Variants in NLRP12 observed in about 807,000 individuals in gnomAD.
The protein encoded by NLRP12 is NLR family pyrin domain containing 12, also known as NACHT, LRR and PYD domains-containing protein 12.
In NLRP12, 108 loss-of-function variants were observed where a neutral mutation model predicts 91.2. That is an observed-to-expected ratio of 1.18 (90% confidence interval 1.01 to 1.39). The LOEUF (loss-of-function observed/expected upper bound fraction) is 1.39, where lower values mean the gene tolerates loss of function less well. NLRP12 is among the 40% of genes most tolerant of loss of function. The probability of loss-of-function intolerance (pLI) is 0.00; values close to 1 mark genes in which losing one functional copy is unlikely to be tolerated. For missense variants in NLRP12, 1,530 were observed against 1,352.7 expected, an observed-to-expected ratio of 1.13 and a Z score of -2.06; for synonymous variants, 613 against 566.7, an observed-to-expected ratio of 1.08 and a Z score of -1.16.
intron 2 of NLRP12, 117 bp from the exon 3 acceptor site, chr19:53,811,405 T>G: frequency 8.4e-7 from 1 of 1,197,438 alleles, no homozygotes; most frequent in Non-Finnish European, 1.2e-6. Flanking sequence ...TTCCAGCTAC[T>G]CAGGAGGCTG....
chr19:53,803,024 C>G (rs1050397345), intron 6 of NLRP12, among the ~76,000 whole-genome samples: 60 of 152,264 alleles, frequency 3.9e-4, no homozygotes, highest in African/African-American at 1.4e-3. Flanking sequence ...GTTGTGATTA[C>G]AGCTGTGAGC....
chr19:53,794,084 G>A lies in NLRP12; in HGVS notation c.3151C>T (p.Arg1051Ter), dbSNP rs199475871. The A allele has an allele frequency of 2.5e-5, 40 of 1,613,930 alleles. No homozygotes were observed. Among genetic ancestry groups the A allele is most frequent in the Non-Finnish European group, 3.3e-5 (39 of 1,179,890 alleles). ...KMTHSRLAAL[R>*]VTKPYLDIGC Reference sequence around the variant, plus strand: ...ATGTCCAAATAAGGTTTTGTTACTCGAAGCGCTGCCAACCTACTGTGGGTC... The same window carrying A: ...ATGTCCAAATAAGGTTTTGTTACTCAAAGCGCTGCCAACCTACTGTGGGTC... Residue 1051 changes from arginine (R) to a stop codon, truncating the protein, a stop_gained, in exon 10 of 10, where the codon CGA (arginine) becomes TGA (stop). Coordinates refer to ENST00000324134, the MANE Select transcript of NLRP12 (RefSeq NM_144687.4). LOFTEE classifies it high-confidence loss of function.
In NLRP12 at chr19:53,810,952, T is replaced by C. The variant is rs763174047; in HGVS notation, c.707A>G (p.Asp236Gly). The C allele has an allele frequency of 6.2e-7, 1 of 1,614,128 alleles. No homozygotes were observed. The highest frequency in any genetic ancestry group is 2.2e-5 in the East Asian group (1 of 44,872). Residue 236 changes from aspartate to glycine, a missense_variant, in exon 3 of 10, where the codon GAC becomes GGC. By Grantham distance (94) the Asp-to-Gly change is moderately conservative (BLOSUM62 -1). Transcript: ENST00000324134. The part of the protein sequence containing the change: ...LAHKVMLDWA[D>G]GKLFQGRFDY... ...AAATCTGCCTTGGAAGAGCTTCCCG[T>C]CCGCCCAGTCCAGCATCACCTTGTG...
rs1359119829 is a variant in NLRP12, at chr19:53,809,703, G to A, written c.1956C>T (p.Phe652=). Residue 652 remains phenylalanine, a synonymous_variant, in exon 3 of 10, where the codon TTC becomes TTT. Coordinates refer to ENST00000324134, the MANE Select transcript of NLRP12 (RefSeq NM_144687.4). Reference sequence around the variant, plus strand: ...GGGCGCTCCTGCAGCGCTTCAGACAGAACGAGGAGACCATGTGCTCCATCT... The same window carrying A: ...GGGCGCTCCTGCAGCGCTTCAGACAAAACGAGGAGACCATGTGCTCCATCT... ...ASKMEHMVSS[F]CLKRCRSAQV... is the part of the protein sequence containing the mutation. The A allele has an allele frequency of 6.2e-7, 1 of 1,614,100 alleles. No individual in the cohort carries two copies. Among genetic ancestry groups the A allele is most frequent in the Non-Finnish European group, 8.5e-7 (1 of 1,180,016 alleles).
intron 2 of NLRP12, among the ~76,000 whole-genome samples, chr19:53,811,662 G>T (rs943467262): frequency 6.6e-6 from 1 of 151,000 alleles, no homozygotes; most frequent in Admixed American, 6.6e-5. Context: ...CACCTCCTGG[G>T]TTCAAGTGAT....
At chr19:53,823,015 G>T (rs555779055) in intron 1 of NLRP12, among the ~76,000 whole-genome samples, 1 of 151,084 alleles carries the variant, frequency 6.6e-6, no homozygotes, top group Admixed American at 6.7e-5. Flanking sequence ...TGACCCACCC[G>T]CCTTGGCCTC....
At chr19:53,797,201 C>T (rs547938341) in intron 8 of NLRP12, among the ~76,000 whole-genome samples, 12 of 151,830 alleles carry the variant, frequency 7.9e-5, no homozygotes, top group East Asian at 1.9e-4. Context: ...GTGTGATCTC[C>T]GCTCACTGCA....
In NLRP12 at chr19:53,793,781, T is replaced by C; in HGVS notation, c.*268A>G. 1.8e-6 allele frequency: 1 copy of C among 544,936 alleles called. No homozygotes were observed. Among genetic ancestry groups the C allele is most frequent in the East Asian group, 3.2e-5 (1 of 30,884 alleles). The allele number at this position is 544,936 out of a possible 1,614,324, so 33.8% of individuals were successfully genotyped here. ...TTTTTATTTTTAGTAGAGACAGGGTTTCACCATCTTGGCCAGGCTAATCTC... is the reference window on the plus strand; with the variant it reads ...TTTTTATTTTTAGTAGAGACAGGGTCTCACCATCTTGGCCAGGCTAATCTC... On this transcript the variant is annotated 3_prime_UTR_variant, in exon 10 of 10. Transcript: ENST00000324134.
In NLRP12 at chr19:53,801,252, G is replaced by GATGCCT; in HGVS notation, c.2725_2730dup (p.Arg909_His910dup). On this transcript the variant is annotated inframe_insertion, in exon 7 of 10. Coordinates refer to ENST00000324134, the MANE Select transcript of NLRP12 (RefSeq NM_144687.4). ...CGCAGGGTCTGGAGCTTGCACGTGG[G>GATGCCT]ATGCCTGAGGCCCTCACACAGCAGC... 1 of 1,613,886 alleles carries GATGCCT rather than the reference G, an allele frequency of 6.2e-7. No homozygotes were observed. Among genetic ancestry groups the GATGCCT allele is most frequent in the South Asian group, 1.1e-5 (1 of 91,076 alleles).
chr19:53,798,269 A>G lies in NLRP12; in HGVS notation c.2901T>C (p.His967=), dbSNP rs1422802865. ...ACAGTTTCTGGAGTCTGCAGGCGGG[A>G]TGTTGCAGCCCCTCAGCCAGCAACC... ...GLWLLAEGLQ[H]PACRLQKLWL... Residue 967 remains histidine (H), a synonymous_variant, in exon 8 of 10, where the codon CAT becomes CAC. Coordinates refer to ENST00000324134, the MANE Select transcript of NLRP12 (RefSeq NM_144687.4). 5 of 1,614,142 alleles carry G rather than the reference A, an allele frequency of 3.1e-6. No individual in the cohort carries two copies. In the South Asian group the frequency reaches 4.4e-5, roughly 14 times the overall value.
intron 1 of NLRP12, among the ~76,000 whole-genome samples, chr19:53,818,879 C>T (rs775762552): frequency 6.6e-6 from 1 of 152,082 alleles, no homozygotes; most frequent in Non-Finnish European, 1.5e-5. Flanking sequence ...GAGACTCTTA[C>T]GCACAGTAAC....
rs2092134189 is a variant in NLRP12, at chr19:53,814,928, G to C, written c.350C>G (p.Ser117Cys). 1 of 1,613,952 alleles carries C rather than the reference G, an allele frequency of 6.2e-7. No homozygotes were observed. Among genetic ancestry groups the C allele is most frequent in the Admixed American group, 1.7e-5 (1 of 59,958 alleles). Reference sequence around the variant, plus strand: ...CTCACCTTTTCTTGGAGTGACAAGAGAGACTTCCAGAAGGCATGTTGACTG... The same window carrying C: ...CTCACCTTTTCTTGGAGTGACAAGACAGACTTCCAGAAGGCATGTTGACTG... ...GNQSTCLLEV[S>C]LVTPRKDPQE... is the part of the protein sequence containing the mutation. The change falls in exon 2 of 10, where the codon TCT (serine) becomes TGT (cysteine). Residue 117 changes from serine to cysteine, a missense_variant. Coordinates refer to ENST00000324134, the MANE Select transcript of NLRP12 (RefSeq NM_144687.4).
intron 2 of NLRP12, among the ~76,000 whole-genome samples, chr19:53,813,079 C>T (rs1260981453): frequency 2.0e-5 from 3 of 151,654 alleles, no homozygotes; most frequent in African/African-American, 7.3e-5. Context: ...CGGAGTTTCA[C>T]CATGTTGGCC....
At chr19:53,811,662 G>A (rs943467262) in intron 2 of NLRP12, among the ~76,000 whole-genome samples, 7 of 151,118 alleles carry the variant, frequency 4.6e-5, no homozygotes, top group Non-Finnish European at 8.8e-5. Flanking sequence ...CACCTCCTGG[G>A]TTCAAGTGAT....
intron 1 of NLRP12, among the ~76,000 whole-genome samples, chr19:53,819,086 G>T (rs1455826880): frequency 6.6e-6 from 1 of 152,134 alleles, no homozygotes; most frequent in African/African-American, 2.4e-5. Context: ...GTTATGCATT[G>T]TCAATGCTGG....
chr19:53,805,743 C>T, intron 4 of NLRP12: 1 of 406,088 alleles, frequency 2.5e-6, no homozygotes, highest in Non-Finnish European at 4.7e-6. Context: ...GTCTTGAACT[C>T]CTGGGTCAAG....
At chr19:53,818,426 G>C (rs1477258064) in intron 1 of NLRP12, among the ~76,000 whole-genome samples, 3 of 152,024 alleles carry the variant, frequency 2.0e-5, no homozygotes, top group African/African-American at 4.8e-5. Context: ...CCAACATTTT[G>C]GGAGGCTGAG....
At position 53,807,718 on chromosome 19, in the gene NLRP12, A is replaced by G. The variant is rs751236865; in HGVS notation, c.2073-53T>C. ...CTGGTGTTACTGGTGCTTGACAACT[A>G]TGGCCTTTGCATGTCATTTCACCGT... On this transcript the variant is annotated intron_variant, in intron 3 of 9. Transcript: ENST00000324134. 17 of 1,591,984 alleles carry G rather than the reference A, an allele frequency of 1.1e-5. No individual in the cohort carries two copies. In the African/African-American group the frequency reaches 2.1e-4, roughly 20 times the overall value.
At chr19:53,820,159 C>T (rs1264380851) in intron 1 of NLRP12, among the ~76,000 whole-genome samples, 1 of 152,070 alleles carries the variant, frequency 6.6e-6, no homozygotes, top group African/African-American at 2.4e-5. Flanking sequence ...GAGAATCACA[C>T]AGGGGAGTCA....
Sources: gnomAD v4.1 joint callset for allele counts (sites outside exome capture counted in the v4.1 genomes callset) on GRCh38, gnomAD v4.1.1 for gene constraint, MANE v1.5 for transcripts, NCBI Gene and HGNC (gene_info 2026-07-23, HGNC 2026-07-21) for gene names.